COL6A6: variants seen among roughly 807,000 people sequenced by gnomAD.
The protein encoded by COL6A6 is collagen alpha-6(VI) chain.
Under a neutral mutation model 208.6 loss-of-function variants are expected in COL6A6, and 183 were observed. The ratio of observed to expected loss-of-function variants is 0.88; its 90% CI spans 0.78 to 0.99. The LOEUF (loss-of-function observed/expected upper bound fraction) is 0.99. Among genes scored for constraint, COL6A6 ranks in the 50% least tolerant of loss-of-function variants. The pLI, the probability that COL6A6 is intolerant of heterozygous loss-of-function variation, is 0.00. For synonymous variants in COL6A6, 973 were observed against 1,011.8 expected (o/e 0.96, Z 0.73); for missense variants, 2,816 against 2,815.2 (o/e 1.00, Z -0.01).
rs777327668 is a variant in COL6A6 at position 130,560,389 on chromosome 3, G to A, written c.25G>A (p.Val9Met). ...TATGATGTTGCTAATTTTGTTCCTC[G>A]TGATAATTTGTTCCCATATTTCTGT... Reference protein sequence around the residue: MMLLILFLVIICSHISVNQ... With the variant: MMLLILFLMIICSHISVNQ... Residue 9 changes from valine (V) to methionine (M), a missense_variant, in exon 2 of 37, where the codon GTG (valine) becomes ATG (methionine). Coordinates refer to ENST00000358511, the MANE Select transcript of COL6A6 (RefSeq NM_001102608.3). 2.4e-5 allele frequency: 39 copies of A among 1,611,214 alleles called. No homozygotes were observed. Among genetic ancestry groups the A allele is most frequent in the South Asian group, 1.7e-4 (15 of 90,198 alleles).
intron 33 of COL6A6, among the ~76,000 whole-genome samples, chr3:130,652,006 A>G (rs995832551): frequency 3.3e-5 from 5 of 152,202 alleles, no homozygotes; most frequent in African/African-American, 7.2e-5. Flanking sequence ...AAGAGCACCA[A>G]TGAAGGTTTA....
Position 130,618,272 on chromosome 3 carries a change from A to G in COL6A6, c.4816-3549A>G, listed in dbSNP as rs529698587. The stretch of plus-strand genomic sequence containing the variant: ...ATCTAATCCTCTTATTAACTGAGCA[A>G]TTTGGATGTAAATGCCTTGAGAAAC... On this transcript the variant is annotated intron_variant, in intron 23 of 36. Transcript: ENST00000358511. 3.3e-5 allele frequency among the ~76,000 whole-genome samples: 5 copies of G among 152,350 alleles called. No homozygotes were observed. The East Asian group carries it at 7.7e-4, about 24-fold the overall frequency.
intron 24 of COL6A6, among the ~76,000 whole-genome samples, chr3:130,625,748 C>G (rs778050834): frequency 6.6e-6 from 1 of 152,166 alleles, no homozygotes; most frequent in Non-Finnish European, 1.5e-5. Context: ...AAGAAAAAAT[C>G]TGAATAAAGT....
chr3:130,667,975 T>C (rs912640487), intron 36 of COL6A6, among the ~76,000 whole-genome samples: 5 of 147,578 alleles, frequency 3.4e-5, no homozygotes, highest in East Asian at 2.0e-4. Flanking sequence ...TGAGGGAAAA[T>C]AGGATAAAAA....
intron 31 of COL6A6, among the ~76,000 whole-genome samples, chr3:130,643,931 T>C (rs1428964917): frequency 2.6e-5 from 4 of 152,192 alleles, no homozygotes; most frequent in African/African-American, 9.7e-5. Context: ...TCAAAACACA[T>C]GTATACATTG....
intron 10 of COL6A6, among the ~76,000 whole-genome samples, chr3:130,585,292 T>C (rs1258821699): frequency 1.3e-5 from 2 of 152,216 alleles, no homozygotes; most frequent in African/African-American, 4.8e-5. Context: ...ATGTAGGCTA[T>C]GGAATTAGGC....
In COL6A6 at chr3:130,568,401, A is replaced by G; in HGVS notation, c.2198A>G (p.Glu733Gly). 6.2e-7 allele frequency: 1 copy of G among 1,614,030 alleles called. No individual in the cohort carries two copies. The change falls in exon 6 of 37, where the codon GAA (glutamate) becomes GGA (glycine). Residue 733 changes from glutamate (E) to glycine (G), a missense_variant. Transcript: ENST00000358511. Reference protein sequence around the residue: ...RKFLILITDGEAQDIVKEPAV... With the variant: ...RKFLILITDGGAQDIVKEPAV... ...TTTCTCATCCTCATCACGGATGGTG[A>G]AGCTCAGGACATAGTAAAGGAACCA...
chr3:130,668,706 AC>A (rs2066137580), intron 36 of COL6A6, among the ~76,000 whole-genome samples: 2 of 152,218 alleles, frequency 1.3e-5, no homozygotes, highest in African/African-American at 2.4e-5. Context: ...GGAAGATAAA[AC>A]AATTTTAAAT....
chr3:130,528,552 G>A (rs768116067), intron 1 of COL6A6, among the ~76,000 whole-genome samples: 37 of 152,184 alleles, frequency 2.4e-4, no homozygotes, highest in Non-Finnish European at 3.8e-4. Context: ...AAATGCAGCC[G>A]TAGATAGTAC....
intron 8 of COL6A6, among the ~76,000 whole-genome samples, chr3:130,579,807 G>A (rs1397856405): frequency 6.6e-6 from 1 of 152,208 alleles, no homozygotes; most frequent in East Asian, 1.9e-4. Flanking sequence ...AGATGTCTCA[G>A]TGGAGTTTTT....
intron 26 of COL6A6, among the ~76,000 whole-genome samples, chr3:130,634,363 T>C (rs1314324581): frequency 2.0e-5 from 3 of 152,264 alleles, no homozygotes; most frequent in East Asian, 1.9e-4. Flanking sequence ...TGTATACTTT[T>C]AGCCACCTAG....
chr3:130,532,080 C>T (rs530625446), intron 1 of COL6A6, among the ~76,000 whole-genome samples: 35 of 152,188 alleles, frequency 2.3e-4, no homozygotes, highest in African/African-American at 7.2e-4. Flanking sequence ...CTTTTGATAG[C>T]TTTTGAAATA....
chr3:130,601,534 T>C (rs572002857), intron 20 of COL6A6, among the ~76,000 whole-genome samples: 1 of 152,336 alleles, frequency 6.6e-6, no homozygotes, highest in South Asian at 2.1e-4. Flanking sequence ...TATTTTCAAC[T>C]TAAAGAATAT....
rs1022867687 is a variant in COL6A6, at chr3:130,568,162, G to A, written c.1959G>A (p.Gln653=). Residue 653 remains glutamine, a synonymous_variant, in exon 6 of 37, where the codon CAG becomes CAA. Coordinates refer to ENST00000358511, the MANE Select transcript of COL6A6 (RefSeq NM_001102608.3). ...TGAAAAACCTGGTGAGCAAGTCTCA[G>A]ATTGGACCAGATCGGGTGCAAATTG... The part of the protein sequence containing the change: ...TFMKNLVSKS[Q]IGPDRVQIGV... 1.9e-6 allele frequency: 3 copies of A among 1,614,046 alleles called. No homozygotes were observed. Among genetic ancestry groups the A allele is most frequent in the East Asian group, 2.2e-5 (1 of 44,888 alleles).
At chr3:130,673,711 A>G (rs1257302266) in intron 36 of COL6A6, among the ~76,000 whole-genome samples, 1 of 152,180 alleles carries the variant, frequency 6.6e-6, no homozygotes, top group Non-Finnish European at 1.5e-5. Flanking sequence ...TAATCCAAGC[A>G]CTTTGGGAGG....
At position 130,608,953 on chromosome 3, in the gene COL6A6, AAGGGCCCTC is replaced by A; in HGVS notation, c.4745_4752+1del. The A allele has an allele frequency of 3.1e-6, 5 of 1,612,310 alleles. 1 individual carries two copies. In the South Asian group the frequency reaches 3.3e-5, roughly 11 times the overall value. ...TGGACTTGAAGGCTCCCTGGGACTT[AAGGGCCCTC>A]AGGTACATATCAAGACCAATCAGGG... On this transcript the variant is annotated inframe_deletion and splice_region_variant, in exon 22 of 37. Transcript: ENST00000358511.
At chr3:130,581,522 T>G in intron 8 of COL6A6, 39 bp from the exon 9 acceptor site, 1 of 1,443,894 alleles carries the variant, frequency 6.9e-7, no homozygotes. Context: ...TAAAGGCGTT[T>G]GTTGATTTAT....
chr3:130,581,516 G>C (rs2063419590), intron 8 of COL6A6, 45 bp from the exon 9 acceptor site: 8 of 1,367,372 alleles, frequency 5.9e-6, no homozygotes, highest in Non-Finnish European at 8.1e-6. Flanking sequence ...GTTAAATAAA[G>C]GCGTTTGTTG....
At chr3:130,566,079 G>T (rs2063014812) in intron 4 of COL6A6, among the ~76,000 whole-genome samples, 2 of 152,164 alleles carry the variant, frequency 1.3e-5, no homozygotes, top group South Asian at 4.1e-4. Flanking sequence ...TTGTTGTGGG[G>T]TACCATTCTA....
Sources: gnomAD v4.1 joint callset for allele counts (sites outside exome capture counted in the v4.1 genomes callset) on GRCh38, gnomAD v4.1.1 for gene constraint, MANE v1.5 for transcripts, NCBI Gene and HGNC (gene_info 2026-07-23, HGNC 2026-07-21) for gene names.